FRMPD4: variants seen among roughly 807,000 people sequenced by gnomAD.
The protein encoded by FRMPD4 is FERM and PDZ domain-containing protein 4.
A neutral mutation model predicts 94.1 loss-of-function variants in FRMPD4; 22 were observed. That is an observed-to-expected ratio of 0.23 (90% confidence interval 0.17 to 0.33). FRMPD4 has a LOEUF of 0.33. Among genes scored for constraint, FRMPD4 ranks in the 10% least tolerant of loss-of-function variants. FRMPD4 has a pLI of 1.00. For synonymous variants in FRMPD4, 631 were observed against 548.6 expected, an observed-to-expected ratio of 1.15 and a Z score of -2.10; for missense variants, 1,111 against 1,339.9, an observed-to-expected ratio of 0.83 and a Z score of 2.67.
intron 3 of FRMPD4, among the ~76,000 whole-genome samples, chrX:12,097,332 C>T (rs1569157909): frequency 1.8e-5 from 2 of 112,103 alleles, no homozygotes; most frequent in African/African-American, 6.5e-5. Flanking sequence ...AGTTTAAAGC[C>T]TGGTAGGTGA....
intron 5 of FRMPD4, among the ~76,000 whole-genome samples, chrX:12,681,030 T>C (rs1227387391): frequency 8.9e-6 from 1 of 111,740 alleles, no homozygotes; most frequent in African/African-American, 3.3e-5. Context: ...TGGAACACTT[T>C]AGAAAAATAT....
intron 1 of FRMPD4, among the ~76,000 whole-genome samples, chrX:12,235,004 A>G (rs5935275): frequency 0.47 from 52,180 of 110,760 alleles, 8,754 homozygotes; most frequent in Non-Finnish European, 0.52. Flanking sequence ...TCATTCATTT[A>G]CTCAGTGTTT....
intron 1 of FRMPD4, among the ~76,000 whole-genome samples, chrX:12,335,488 G>A (rs925752904): frequency 3.6e-5 from 4 of 111,394 alleles, no homozygotes; most frequent in African/African-American, 6.5e-5. Flanking sequence ...TTATATAATC[G>A]TTTCTTTGAA....
intron 1 of FRMPD4, among the ~76,000 whole-genome samples, chrX:12,249,109 G>T (rs770697899): frequency 8.9e-6 from 1 of 112,841 alleles, no homozygotes; most frequent in South Asian, 3.6e-4. Flanking sequence ...CAAGATTATG[G>T]ACATTTTCTA....
At chrX:12,431,092 T>A (rs1480765149) in intron 1 of FRMPD4, among the ~76,000 whole-genome samples, 2 of 112,908 alleles carry the variant, frequency 1.8e-5, no homozygotes, top group Admixed American at 9.3e-5. Flanking sequence ...AACCATTTAC[T>A]CATTCATTTA....
At chrX:12,413,816 G>A (rs1040478702) in intron 1 of FRMPD4, among the ~76,000 whole-genome samples, 10 of 112,386 alleles carry the variant, frequency 8.9e-5, no homozygotes, top group African/African-American at 2.9e-4. Flanking sequence ...TAAACCACTT[G>A]GAAGGTTGTT....
At chrX:12,035,464 T>C (rs1415661197) in intron 3 of FRMPD4, among the ~76,000 whole-genome samples, 2 of 112,054 alleles carry the variant, frequency 1.8e-5, no homozygotes, top group Non-Finnish European at 3.8e-5. Context: ...CATGGTAACT[T>C]TGAGCAAGTG....
chrX:12,681,702 C>A (rs918768315), intron 5 of FRMPD4, among the ~76,000 whole-genome samples: 1 of 109,961 alleles, frequency 9.1e-6, no homozygotes, highest in African/African-American at 3.3e-5. Flanking sequence ...AGGATACACA[C>A]ACACACACAC....
intron 3 of FRMPD4, among the ~76,000 whole-genome samples, chrX:12,051,106 C>T (rs1047245706): frequency 9.0e-6 from 1 of 111,111 alleles, no homozygotes; most frequent in African/African-American, 3.3e-5. Context: ...TAAAATCATG[C>T]AAAACAGTAC....
chrX:12,386,219 T>G (rs1019999511), intron 1 of FRMPD4, among the ~76,000 whole-genome samples: 4 of 112,398 alleles, frequency 3.6e-5, no homozygotes, highest in Non-Finnish European at 5.6e-5. Flanking sequence ...AGCTGAAATT[T>G]CCACCAAGTG....
intron 1 of FRMPD4, among the ~76,000 whole-genome samples, chrX:12,220,373 G>A (rs757280010): frequency 2.2e-4 from 25 of 111,629 alleles, no homozygotes; most frequent in African/African-American, 7.8e-4. Context: ...ATGTACAACC[G>A]TGAGTGTGCA....
intron 1 of FRMPD4, among the ~76,000 whole-genome samples, chrX:12,182,504 A>G (rs1412706142): frequency 1.8e-5 from 2 of 110,813 alleles, no homozygotes; most frequent in African/African-American, 6.6e-5. Context: ...GAACCTAGTT[A>G]CATTTCTCAG....
chrX:12,078,024 C>T (rs1172568768), intron 3 of FRMPD4, among the ~76,000 whole-genome samples: 1 of 111,995 alleles, frequency 8.9e-6, no homozygotes, highest in Non-Finnish European at 1.9e-5. Context: ...GCCAGGGCTA[C>T]AGTCACCTGT....
rs1045579608 is a variant in FRMPD4 at position 12,351,038 on chromosome X, G to T, written c.42-147642G>T. ...AAAATACAAAAATTAGCTGGGTGTG[G>T]TGGCGCGTGCCTGTAATCAGCTACT... On this transcript the variant is annotated intron_variant, in intron 1 of 16. Coordinates refer to ENST00000675598, the MANE Select transcript of FRMPD4 (RefSeq NM_001368397.1). Among the ~76,000 whole-genome samples the T allele has an allele frequency of 4.5e-5, 5 of 110,867 alleles. No individual in the cohort carries two copies. In the Admixed American group the frequency reaches 4.8e-4, roughly 11 times the overall value.
At position 12,650,479 on chromosome X, in the gene FRMPD4, A is replaced by G. The variant is rs187688115; in HGVS notation, c.423-24384A>G. ...TCAAATATCTGTTTAATGAATTCCAACGGTCTTTAAAGTTGAAGTGTAGGT... is the reference window on the plus strand; with the variant it reads ...TCAAATATCTGTTTAATGAATTCCAGCGGTCTTTAAAGTTGAAGTGTAGGT... On this transcript the variant is annotated intron_variant, in intron 4 of 16. Coordinates refer to ENST00000675598, the MANE Select transcript of FRMPD4 (RefSeq NM_001368397.1). Among the ~76,000 whole-genome samples, 16 of 112,205 alleles carry G rather than the reference A, an allele frequency of 1.4e-4. No individual in the cohort carries two copies. The Admixed American group carries it at 1.5e-3, about 11-fold the overall frequency.
chrX:12,368,173 C>A (rs1457736126), intron 1 of FRMPD4, among the ~76,000 whole-genome samples: 1 of 111,888 alleles, frequency 8.9e-6, no homozygotes, highest in Non-Finnish European at 1.9e-5. Context: ...TGGGCTTGAG[C>A]AAGTGACTAC....
chrX:12,243,255 T>C (rs905465186), intron 1 of FRMPD4, among the ~76,000 whole-genome samples: 3 of 112,316 alleles, frequency 2.7e-5, no homozygotes, highest in African/African-American at 9.7e-5. Flanking sequence ...TTTCCTATCT[T>C]TCCTACTTTG....
chrX:11,976,954 A>G (rs1342412609), intron 3 of FRMPD4, among the ~76,000 whole-genome samples: 1 of 110,628 alleles, frequency 9.0e-6, no homozygotes, highest in Non-Finnish European at 1.9e-5. Flanking sequence ...TTAATTTTCC[A>G]TTGCATGGGA....
chrX:12,016,327 G>C (rs751481882), intron 3 of FRMPD4, among the ~76,000 whole-genome samples: 53 of 112,200 alleles, frequency 4.7e-4, no homozygotes, highest in Non-Finnish European at 5.6e-4. Context: ...AGTTGGAGGA[G>C]AGAGGCTCAA....
Sources: allele counts gnomAD v4.1 joint callset (sites outside exome capture counted in the v4.1 genomes callset), GRCh38; gene constraint gnomAD v4.1.1; transcripts MANE v1.5; gene names NCBI Gene and HGNC (gene_info 2026-07-23, HGNC 2026-07-21).